LONP2: variants seen among roughly 807,000 people sequenced by gnomAD.
The protein encoded by LONP2 is lon peptidase 2, peroxisomal.
Under a neutral mutation model 85.6 loss-of-function variants are expected in LONP2, and 60 were observed. The ratio of observed to expected loss-of-function variants is 0.70; its 90% CI spans 0.57 to 0.87. The LOEUF is 0.87. LONP2 is among the 40% of genes least tolerant of loss of function. LONP2 has a pLI of 0.00. For missense variants in LONP2, 860 were observed against 1,063.5 expected (o/e 0.81, Z 2.66); for synonymous variants, 395 against 389.7 (o/e 1.01, Z -0.16).
At chr16:48,280,034 A>G (rs1215858594) in intron 8 of LONP2, among the ~76,000 whole-genome samples, 1 of 152,184 alleles carries the variant, frequency 6.6e-6, no homozygotes, top group Non-Finnish European at 1.5e-5. Flanking sequence ...ATAAAAAAGT[A>G]CAGTTACCTT....
intron 7 of LONP2, among the ~76,000 whole-genome samples, chr16:48,272,425 A>G (rs943959426): frequency 6.6e-6 from 1 of 152,158 alleles, no homozygotes; most frequent in African/African-American, 2.4e-5. Flanking sequence ...ATAAATCTCT[A>G]TTTTAAATCC....
intron 4 of LONP2, among the ~76,000 whole-genome samples, chr16:48,259,881 A>T (rs1356160697): frequency 6.6e-6 from 1 of 152,238 alleles, no homozygotes; most frequent in Non-Finnish European, 1.5e-5. Context: ...ACTTACTCTC[A>T]GTAAAGTTTG....
chr16:48,349,727 A>G (rs1309159153), intron 14 of LONP2, among the ~76,000 whole-genome samples: 4 of 152,252 alleles, frequency 2.6e-5, no homozygotes, highest in Non-Finnish European at 5.9e-5. Context: ...ACTATAGTGA[A>G]AAACAATTTG....
At chr16:48,262,671 A>G (rs1971902423) in intron 5 of LONP2, 107 bp from the exon 6 acceptor site, 4 of 640,018 alleles carry the variant, frequency 6.2e-6, no homozygotes, top group East Asian at 2.9e-5. Context: ...AGATTTGTTT[A>G]AACATGCATG....
At chr16:48,340,519 T>C (rs979751642) in intron 12 of LONP2, among the ~76,000 whole-genome samples, 1 of 152,220 alleles carries the variant, frequency 6.6e-6, no homozygotes, top group Non-Finnish European at 1.5e-5. Flanking sequence ...TACAAAAATA[T>C]ATTAATGTCA....
At chr16:48,256,155 G>A (rs2160564) in intron 2 of LONP2, among the ~76,000 whole-genome samples, 1,865 of 152,200 alleles carry the variant, frequency 0.012, 40 homozygotes, top group African/African-American at 0.042. Context: ...TAAGGATCTC[G>A]ATTCTGCAGC....
chr16:48,303,346 GGAGT>G, intron 11 of LONP2, 41 bp downstream of exon 11: 4 of 1,599,718 alleles, frequency 2.5e-6, no homozygotes, highest in Non-Finnish European at 3.4e-6. Context: ...CTGGTGGCTA[GGAGT>G]GAGTGACAGA....
intron 1 of LONP2, among the ~76,000 whole-genome samples, chr16:48,245,936 G>C (rs1383739554): frequency 6.6e-6 from 1 of 152,068 alleles, no homozygotes; most frequent in Non-Finnish European, 1.5e-5. Context: ...TTTCAGTTTA[G>C]AGCTTCTCCT....
intron 7 of LONP2, among the ~76,000 whole-genome samples, chr16:48,274,506 G>C (rs1320359959): frequency 6.6e-6 from 1 of 152,066 alleles, no homozygotes. Context: ...AAAGATTTAG[G>C]AATGACTACC....
chr16:48,270,241 G>A lies in LONP2; in HGVS notation c.1208G>A (p.Gly403Glu). ...GREFHRIALG[G>E]VCDQSDIRGH... ...GAGTTCCACAGGATTGCACTTGGAG[G>A]AGTATGTGATCAGTCTGACATTCGA... Residue 403 changes from glycine to glutamate, a missense_variant, in exon 7 of 15, where the codon GGA (glycine) becomes GAA (glutamate). Coordinates refer to ENST00000285737, the MANE Select transcript of LONP2 (RefSeq NM_031490.5). 2.5e-6 allele frequency: 4 copies of A among 1,613,962 alleles called. No homozygotes were observed. The highest frequency in any genetic ancestry group is 2.5e-6 in the Non-Finnish European group (3 of 1,179,912).
At chr16:48,288,301 G>A (rs770729799) in intron 8 of LONP2, among the ~76,000 whole-genome samples, 4 of 151,706 alleles carry the variant, frequency 2.6e-5, no homozygotes, top group Non-Finnish European at 5.9e-5. Context: ...TTACAGGCAC[G>A]TGCCACCACG....
chr16:48,321,575 A>G (rs984950219), intron 11 of LONP2, among the ~76,000 whole-genome samples: 1 of 152,200 alleles, frequency 6.6e-6, no homozygotes, highest in Admixed American at 6.5e-5. Context: ...TGGAAACATC[A>G]TAGAGTGTAC....
chr16:48,292,371 T>G (rs1307795771), intron 8 of LONP2, among the ~76,000 whole-genome samples: 1 of 152,172 alleles, frequency 6.6e-6, no homozygotes, highest in Admixed American at 6.5e-5. Flanking sequence ...ATGTAGCTTT[T>G]TTTGTCTTTG....
rs775096770 is a variant in LONP2, at chr16:48,351,712, A to G, written c.2469A>G (p.Thr823=). ...GNVRQDLSFV[T]ASCLDEVLNA... ...TACGACAGGATTTAAGTTTTGTCACAGCAAGCTGCCTGGATGAGGTTCTTA... is the reference window on the plus strand; with the variant it reads ...TACGACAGGATTTAAGTTTTGTCACGGCAAGCTGCCTGGATGAGGTTCTTA... Residue 823 remains threonine, a synonymous_variant, in exon 15 of 15, where the codon ACA becomes ACG. Coordinates refer to ENST00000285737, the MANE Select transcript of LONP2 (RefSeq NM_031490.5). 27 of 1,614,096 alleles carry G rather than the reference A, an allele frequency of 1.7e-5. No homozygotes were observed. The highest frequency in any genetic ancestry group is 2.3e-5 in the Non-Finnish European group (27 of 1,180,032).
At position 48,357,241 on chromosome 16, in the gene LONP2, C is replaced by CAGTT. The variant is rs1458470746; in HGVS notation, c.*5442_*5445dup. On this transcript the variant is annotated 3_prime_UTR_variant, in exon 15 of 15. Transcript: ENST00000285737. ...ATACAGAGTCAGAAGTCAACCCAGG[C>CAGTT]AGTTAGAATCTACAACCCACACTGT... is the stretch of plus-strand genomic sequence containing the variant. The CAGTT allele has an allele frequency of 6.6e-6, 1 of 152,168 alleles. No homozygotes were observed. Among genetic ancestry groups the CAGTT allele is most frequent in the Admixed American group, 6.5e-5 (1 of 15,278 alleles). The allele number at this position is 152,168 out of a possible 1,614,324, so 9.4% of individuals were successfully genotyped here.
At chr16:48,339,793 G>T (rs767870654) in intron 12 of LONP2, among the ~76,000 whole-genome samples, 7 of 152,158 alleles carry the variant, frequency 4.6e-5, no homozygotes, top group Non-Finnish European at 7.3e-5. Context: ...ATAATGATGG[G>T]GCTAACGTGT....
chr16:48,244,394 A>C lies in LONP2; in HGVS notation c.6A>C (p.Ser2=). The C allele has an allele frequency of 1.9e-6, 3 of 1,548,590 alleles. No homozygotes were observed. Among genetic ancestry groups the C allele is most frequent in the Non-Finnish European group, 2.6e-6 (3 of 1,152,386 alleles). The change falls in exon 1 of 15, where the codon TCA becomes TCC. Residue 2 remains serine, a synonymous_variant. Coordinates refer to ENST00000285737, the MANE Select transcript of LONP2 (RefSeq NM_031490.5). M[S]SVSPIQIPSR... Reference sequence around the variant, plus strand: ...CAGTGCGAAAGGCTGCCAGCATGTCATCAGTGAGCCCCATCCAGATCCCCA... The same window carrying C: ...CAGTGCGAAAGGCTGCCAGCATGTCCTCAGTGAGCCCCATCCAGATCCCCA...
At chr16:48,249,929 C>T (rs1168045669) in intron 1 of LONP2, among the ~76,000 whole-genome samples, 1 of 149,926 alleles carries the variant, frequency 6.7e-6, no homozygotes, top group Admixed American at 6.6e-5. Flanking sequence ...TGGTGGCTCA[C>T]GCCCGTAATC....
intron 1 of LONP2, among the ~76,000 whole-genome samples, chr16:48,245,251 C>T (rs1017665218): frequency 1.3e-5 from 2 of 152,162 alleles, no homozygotes; most frequent in Non-Finnish European, 2.9e-5. Context: ...CTTTCTGGAA[C>T]TTTCCTAGCT....
Sources: gnomAD v4.1 joint callset for allele counts (sites outside exome capture counted in the v4.1 genomes callset) on GRCh38, gnomAD v4.1.1 for gene constraint, MANE v1.5 for transcripts, NCBI Gene and HGNC (gene_info 2026-07-23, HGNC 2026-07-21) for gene names.